The following TNIP1 variants were observed in gnomAD, a reference collection of about 807,000 sequenced individuals.
TNIP1 encodes TNFAIP3-interacting protein 1.
Under a neutral mutation model 86.6 loss-of-function variants are expected in TNIP1, and 22 were observed. The ratio of observed to expected loss-of-function variants is 0.25; its 90% confidence interval spans 0.18 to 0.36. The LOEUF (loss-of-function observed/expected upper bound fraction) is 0.36. TNIP1 is among the 10% of genes least tolerant of loss of function. The probability of loss-of-function intolerance (pLI) is 1.00; values close to 1 mark genes in which losing one functional copy is unlikely to be tolerated. For synonymous variants in TNIP1, 294 were observed against 313.0 expected, an observed-to-expected ratio of 0.94 and a Z score of 0.64; for missense variants, 709 against 820.6, an observed-to-expected ratio of 0.86 and a Z score of 1.66.
chr5:151,067,769 C>T (rs567781140), intron 1 of TNIP1, among the ~76,000 whole-genome samples: 1 of 152,308 alleles, frequency 6.6e-6, no homozygotes, highest in South Asian at 2.1e-4. Context: ...GGAACAAGCC[C>T]TTGACCCCGA....
chr5:151,058,319 A>G (rs537430384), intron 5 of TNIP1, among the ~76,000 whole-genome samples: 1 of 152,370 alleles, frequency 6.6e-6, no homozygotes, highest in African/African-American at 2.4e-5. Context: ...GCTATTTCAG[A>G]AAGTCCCAAA....
At chr5:151,052,290 G>T in intron 6 of TNIP1, 31 bp from the exon 7 acceptor site, 1 of 1,592,614 alleles carries the variant, frequency 6.3e-7, no homozygotes, top group South Asian at 1.1e-5. Flanking sequence ...CAGGGTGAGG[G>T]AAAGGAGGGG....
chr5:151,059,775 GAGAC>G (rs1761150942), intron 5 of TNIP1, among the ~76,000 whole-genome samples: 8 of 115,604 alleles, frequency 6.9e-5, no homozygotes, highest in South Asian at 3.0e-4. Flanking sequence ...AGCTGTACGA[GAGAC>G]AGAGAGAGAG....
rs181234528 is a variant in TNIP1, at chr5:151,057,981, A to T, written c.436-1024T>A. On this transcript the variant is annotated intron_variant, in intron 5 of 17. Coordinates refer to ENST00000521591, the MANE Select transcript of TNIP1 (RefSeq NM_006058.5). ...CACTCTCCCATGTTTACCAAGGGAC[A>T]TCTGCATATACGTCCTGCAACCTCC... Among the ~76,000 whole-genome samples the T allele has an allele frequency of 9.5e-4, 144 of 152,302 alleles. 2 individuals are homozygous for T. Among genetic ancestry groups the T allele is most frequent in the African/African-American group, 3.4e-3 (140 of 41,562 alleles).
intron 1 of TNIP1, among the ~76,000 whole-genome samples, chr5:151,079,638 T>A (rs1393080899): frequency 2.0e-5 from 3 of 151,824 alleles, no homozygotes; most frequent in Non-Finnish European, 2.9e-5. Flanking sequence ...AAAAAAAAGA[T>A]TAAATGAGAT....
chr5:151,036,380 T>C lies in TNIP1; in HGVS notation c.1395+410A>G, dbSNP rs533296102. ...AGAACTCCAGTTCAGAGTCTTCATT[T>C]GGCAAGAGTATCCGGCTAGAGTTTA... On this transcript the variant is annotated intron_variant, in intron 13 of 17. Coordinates refer to ENST00000521591, the MANE Select transcript of TNIP1 (RefSeq NM_006058.5). Among the ~76,000 whole-genome samples, 7 of 152,352 alleles carry C rather than the reference T, an allele frequency of 4.6e-5. No homozygotes were observed. In the South Asian group the frequency reaches 6.2e-4, roughly 14 times the overall value.
intron 9 of TNIP1, 77 bp downstream of exon 9, chr5:151,045,784 G>A (rs1191450328): frequency 3.4e-6 from 5 of 1,470,114 alleles, no homozygotes; most frequent in Admixed American, 3.3e-5. Context: ...AGAGCCAGGA[G>A]GCCAGGGCAA....
chr5:151,071,715 G>A (rs1056421680), intron 1 of TNIP1, among the ~76,000 whole-genome samples: 5 of 152,078 alleles, frequency 3.3e-5, no homozygotes, highest in African/African-American at 1.2e-4. Flanking sequence ...ACTTGTACCA[G>A]GCTCTGGCCA....
intron 14 of TNIP1, 63 bp from the exon 15 acceptor site, chr5:151,035,130 C>A (rs1276307282): frequency 6.4e-7 from 1 of 1,565,160 alleles, no homozygotes. Flanking sequence ...AGGCCTGGAT[C>A]CAGGGCCTAA....
At chr5:151,064,928 C>T (rs757864415) in intron 2 of TNIP1, 32 bp downstream of exon 2, 23 of 1,612,954 alleles carry the variant, frequency 1.4e-5, no homozygotes, top group African/African-American at 8.0e-5. Context: ...CAGGGAGGGG[C>T]GCTCGCAGGG....
At chr5:151,069,975 C>T (rs1240005897) in intron 1 of TNIP1, among the ~76,000 whole-genome samples, 1 of 152,148 alleles carries the variant, frequency 6.6e-6, no homozygotes, top group Non-Finnish European at 1.5e-5. Context: ...GAAGAAAGGT[C>T]CACACAGGGA....
rs749550897 is a variant in TNIP1 at position 151,042,659 on chromosome 5, G to A, written c.1015C>T (p.Arg339Cys). The change falls in exon 11 of 18, where the codon CGT (arginine) becomes TGT (cysteine). Residue 339 changes from arginine (R) to cysteine (C), a missense_variant. By Grantham distance (180) the Arg-to-Cys change is radical (BLOSUM62 -3). Coordinates refer to ENST00000521591, the MANE Select transcript of TNIP1 (RefSeq NM_006058.5). ...TTCTGCAAATCAGCCAGCTTCTGAC[G>A]CAGCTCAGTGATCTGGGTTCAGAGG... ...QQYEQKITELRQKLADLQKQV... is the reference protein window; with the variant it reads ...QQYEQKITELCQKLADLQKQV... 1.2e-5 allele frequency: 20 copies of A among 1,613,736 alleles called. No homozygotes were observed. The highest frequency in any genetic ancestry group is 1.6e-5 in the Non-Finnish European group (19 of 1,180,020).
chr5:151,054,486 G>A (rs1349722621), intron 6 of TNIP1, among the ~76,000 whole-genome samples: 1 of 152,130 alleles, frequency 6.6e-6, no homozygotes, highest in African/African-American at 2.4e-5. Flanking sequence ...TTCAACACCA[G>A]TCTGGGCAAC....
At chr5:151,074,095 C>G (rs1763117302) in intron 1 of TNIP1, among the ~76,000 whole-genome samples, 1 of 152,206 alleles carries the variant, frequency 6.6e-6, no homozygotes, top group African/African-American at 2.4e-5. Flanking sequence ...TTTTTAAATA[C>G]AGTAGGGACA....
chr5:151,065,052 C>CT lies in TNIP1; in HGVS notation c.43dup (p.Ser15LysfsTer12), dbSNP rs768474848. On this transcript the variant is annotated frameshift_variant, in exon 2 of 18. Coordinates refer to ENST00000521591, the MANE Select transcript of TNIP1 (RefSeq NM_006058.5). LOFTEE classifies it high-confidence loss of function. ...TGCGGATGCCTCTCCTGAGGGCACG[C>CT]TGCCCCCAGGGTCGTAGATCCGGTA... is the stretch of plus-strand genomic sequence containing the variant. 3.2e-5 allele frequency: 51 copies of CT among 1,614,058 alleles called. No individual in the cohort carries two copies. The highest frequency in any genetic ancestry group is 4.2e-5 in the Non-Finnish European group (50 of 1,180,020).
chr5:151,063,133 C>T (rs1761795280), intron 3 of TNIP1, among the ~76,000 whole-genome samples: 1 of 152,202 alleles, frequency 6.6e-6, no homozygotes. Context: ...AAATACGCTG[C>T]AGCAGGCTAA....
At chr5:151,055,216 CAG>C (rs1189779623) in intron 6 of TNIP1, among the ~76,000 whole-genome samples, 4 of 151,320 alleles carry the variant, frequency 2.6e-5, no homozygotes, top group African/African-American at 7.3e-5. Context: ...TACCTTCTAG[CAG>C]AGAGTATAAG....
At chr5:151,043,581 C>T (rs984738582) in intron 9 of TNIP1, among the ~76,000 whole-genome samples, 1 of 152,088 alleles carries the variant, frequency 6.6e-6, no homozygotes, top group Non-Finnish European at 1.5e-5. Flanking sequence ...TTGAGACCAG[C>T]CTGGAGAATA....
In TNIP1 at chr5:151,033,806, G is replaced by A. The variant is rs1261445218; in HGVS notation, c.1588-7C>T. ...GGTAACGCTCTCCTGAGGCCTGCAAGAAAGGCTGACGTCTGGCTTTGGCCT... is the reference window on the plus strand; with the variant it reads ...GGTAACGCTCTCCTGAGGCCTGCAAAAAAGGCTGACGTCTGGCTTTGGCCT... On this transcript the variant is annotated splice_region_variant and splice_polypyrimidine_tract_variant and intron_variant, in intron 15 of 17. Transcript: ENST00000521591. The A allele has an allele frequency of 1.5e-6, 2 of 1,371,132 alleles. No individual in the cohort carries two copies. The highest frequency in any genetic ancestry group is 1.9e-6 in the Non-Finnish European group (2 of 1,056,974). The allele number at this position is 1,371,132 out of a possible 1,614,324, so 84.9% of individuals were successfully genotyped here. A position where few individuals can be genotyped will look rare whatever the true frequency, so the allele number is the denominator to read the frequency against.
Sources: allele counts gnomAD v4.1 joint callset (sites outside exome capture counted in the v4.1 genomes callset), GRCh38; gene constraint gnomAD v4.1.1; transcripts MANE v1.5; gene names NCBI Gene and HGNC (gene_info 2026-07-23, HGNC 2026-07-21).